Variants in EXOC6B observed in about 807,000 individuals in gnomAD.
EXOC6B encodes SEC15 homolog B.
Under a neutral mutation model 113.5 loss-of-function variants are expected in EXOC6B, and 54 were observed. That is an observed-to-expected ratio of 0.48 (90% CI 0.38 to 0.60). The LOEUF is 0.60. EXOC6B is among the 20% of genes least tolerant of loss of function. The pLI is 0.00. For synonymous variants in EXOC6B, 357 were observed against 339.0 expected (o/e 1.05, Z -0.58); for missense variants, 797 against 977.5 (o/e 0.82, Z 2.46).
chr2:72,473,990 G>A (rs575137359), intron 17 of EXOC6B, among the ~76,000 whole-genome samples: 4 of 151,236 alleles, frequency 2.6e-5, no homozygotes, highest in Non-Finnish European at 4.4e-5. Flanking sequence ...GAGAAAGATT[G>A]TATTTCTCCT....
intron 20 of EXOC6B, among the ~76,000 whole-genome samples, chr2:72,251,813 T>C (rs1460962108): frequency 2.0e-5 from 3 of 152,186 alleles, no homozygotes; most frequent in Non-Finnish European, 4.4e-5. Context: ...ATTTAAGCCT[T>C]TTCATTTAAT....
chr2:72,818,212 TC>T (rs1347778684), intron 1 of EXOC6B, among the ~76,000 whole-genome samples: 3 of 152,100 alleles, frequency 2.0e-5, no homozygotes, highest in African/African-American at 7.2e-5. Flanking sequence ...TAGCGCGATC[TC>T]GGCTCACTGC....
At chr2:72,431,274 C>A (rs1324225683) in intron 18 of EXOC6B, among the ~76,000 whole-genome samples, 1 of 152,130 alleles carries the variant, frequency 6.6e-6, no homozygotes, top group Non-Finnish European at 1.5e-5. Flanking sequence ...AACTTGGCTT[C>A]AAATAAGATT....
intron 19 of EXOC6B, among the ~76,000 whole-genome samples, chr2:72,358,546 A>G (rs1482962986): frequency 6.6e-6 from 1 of 152,232 alleles, no homozygotes; most frequent in Non-Finnish European, 1.5e-5. Flanking sequence ...TGAGATAGGT[A>G]CAAATATAAC....
intron 6 of EXOC6B, 88 bp from the exon 7 acceptor site, chr2:72,575,756 T>A: frequency 1.6e-6 from 2 of 1,239,422 alleles, no homozygotes; most frequent in African/African-American, 1.6e-5. Context: ...AAACAAAACT[T>A]AATTAAGCTT....
intron 2 of EXOC6B, among the ~76,000 whole-genome samples, chr2:72,738,804 C>A (rs1048131618): frequency 2.0e-5 from 3 of 152,056 alleles, no homozygotes; most frequent in African/African-American, 7.2e-5. Context: ...GGCGAAACCC[C>A]ATCTCTACTA....
intron 1 of EXOC6B, among the ~76,000 whole-genome samples, chr2:72,776,236 A>G (rs1306933920): frequency 4.6e-5 from 7 of 152,216 alleles, no homozygotes; most frequent in Admixed American, 3.9e-4. Context: ...ATATTTTTAT[A>G]CTTTTAAGGT....
In EXOC6B at chr2:72,510,523, T is replaced by A. The variant is rs142972865; in HGVS notation, c.1167+2609A>T. ...GAATCAATTAAAAATAATAATATAA[T>A]CCTACAATGCAATATTATATATATT... On this transcript the variant is annotated intron_variant, in intron 11 of 21. Coordinates refer to ENST00000272427, the MANE Select transcript of EXOC6B (RefSeq NM_015189.3). 4.2e-3 allele frequency among the ~76,000 whole-genome samples: 643 copies of A among 151,398 alleles called. 6 individuals are homozygous for A. The highest frequency in any genetic ancestry group is 0.014 in the African/African-American group (583 of 41,362).
At chr2:72,224,360 C>A (rs1027321502) in intron 20 of EXOC6B, among the ~76,000 whole-genome samples, 1 of 152,104 alleles carries the variant, frequency 6.6e-6, no homozygotes, top group Admixed American at 6.5e-5. Flanking sequence ...CCTACCACAA[C>A]GATTTCACTC....
At chr2:72,367,293 G>C (rs911069941) in intron 19 of EXOC6B, among the ~76,000 whole-genome samples, 1 of 151,000 alleles carries the variant, frequency 6.6e-6, no homozygotes, top group African/African-American at 2.4e-5. Flanking sequence ...AACAGAGTCT[G>C]AGCTAATAAA....
intron 6 of EXOC6B, among the ~76,000 whole-genome samples, chr2:72,657,806 T>C (rs962009401): frequency 1.3e-5 from 2 of 151,512 alleles, no homozygotes; most frequent in Non-Finnish European, 2.9e-5. Flanking sequence ...TTAGCTATTA[T>C]TATGTCTGAA....
At chr2:72,272,771 A>G (rs1437905111) in intron 20 of EXOC6B, among the ~76,000 whole-genome samples, 16 of 152,218 alleles carry the variant, frequency 1.1e-4, no homozygotes, top group African/African-American at 3.9e-4. Context: ...ATAGGATGTT[A>G]TTGGCATCAT....
chr2:72,224,861 T>C (rs1441727447), intron 20 of EXOC6B, among the ~76,000 whole-genome samples: 1 of 149,884 alleles, frequency 6.7e-6, no homozygotes, highest in Non-Finnish European at 1.5e-5. Context: ...TATATATATG[T>C]ATACGTAAGT....
At chr2:72,753,461 C>T (rs1195958478) in intron 1 of EXOC6B, among the ~76,000 whole-genome samples, 1 of 152,156 alleles carries the variant, frequency 6.6e-6, no homozygotes, top group African/African-American at 2.4e-5. Context: ...TGCTCTTTCC[C>T]CTCCCTATTC....
chr2:72,673,789 G>C (rs537356819), intron 6 of EXOC6B, among the ~76,000 whole-genome samples: 1 of 123,564 alleles, frequency 8.1e-6, no homozygotes, highest in Non-Finnish European at 1.7e-5. Context: ...ATTTTTTTTT[G>C]ACTAAGGTAA....
At chr2:72,428,120 C>G (rs1695311775) in intron 18 of EXOC6B, among the ~76,000 whole-genome samples, 1 of 152,222 alleles carries the variant, frequency 6.6e-6, no homozygotes, top group African/African-American at 2.4e-5. Flanking sequence ...GCTCCTCTTC[C>G]TCTTGGTCAC....
At chr2:72,811,066 C>G (rs1411278582) in intron 1 of EXOC6B, among the ~76,000 whole-genome samples, 1 of 151,372 alleles carries the variant, frequency 6.6e-6, no homozygotes, top group African/African-American at 2.4e-5. Flanking sequence ...GGTGGGGTGG[C>G]TCAGGCCTGT....
chr2:72,480,554 G>A (rs1260524202), intron 17 of EXOC6B, 62 bp downstream of exon 17: 1 of 1,405,958 alleles, frequency 7.1e-7, no homozygotes, highest in Non-Finnish European at 9.4e-7. Context: ...GGCCATGTTA[G>A]GTAGAACGTC....
chr2:72,330,908 G>T (rs919802402), intron 20 of EXOC6B, among the ~76,000 whole-genome samples: 1 of 152,044 alleles, frequency 6.6e-6, no homozygotes, highest in Non-Finnish European at 1.5e-5. Flanking sequence ...GTTTGTAGAT[G>T]AGAGATCACA....
Sources: allele counts gnomAD v4.1 joint callset (sites outside exome capture counted in the v4.1 genomes callset), GRCh38; gene constraint gnomAD v4.1.1; transcripts MANE v1.5; gene names NCBI Gene and HGNC (gene_info 2026-07-23, HGNC 2026-07-21).